The following CNTN4 variants were observed in gnomAD, a reference collection of about 807,000 sequenced individuals.
CNTN4 encodes contactin-4.
A neutral mutation model predicts 122.5 loss-of-function variants in CNTN4; 77 were observed. That is an observed-to-expected ratio of 0.63 (90% confidence interval 0.52 to 0.76). The LOEUF is 0.76. Ranked by LOEUF, CNTN4 falls within the 30% of genes least tolerant of loss-of-function variation. The pLI, the probability that CNTN4 is intolerant of heterozygous loss-of-function variation, is 0.00. For synonymous variants in CNTN4, 512 were observed against 447.0 expected (o/e 1.15, Z -1.83); for missense variants, 1,256 against 1,259.1 (o/e 1.00, Z 0.04).
At chr3:2,518,290 A>T (rs915481542) in intron 3 of CNTN4, among the ~76,000 whole-genome samples, 1 of 152,010 alleles carries the variant, frequency 6.6e-6, no homozygotes, top group Non-Finnish European at 1.5e-5. Flanking sequence ...TTTAATGTTC[A>T]TCAAGGGCTG....
intron 3 of CNTN4, chr3:2,571,214 A>G (rs2079406396): frequency 2.1e-6 from 1 of 477,008 alleles, no homozygotes; most frequent in Non-Finnish European, 3.8e-6. Flanking sequence ...CTTCAGCTCC[A>G]ATCCCTGCCC....
At chr3:2,419,536 G>A (rs2047540208) in intron 3 of CNTN4, among the ~76,000 whole-genome samples, 1 of 152,098 alleles carries the variant, frequency 6.6e-6, no homozygotes, top group African/African-American at 2.4e-5. Flanking sequence ...ATGTAATATG[G>A]ATAACATAAG....
At chr3:2,191,310 A>T (rs1014171824) in intron 2 of CNTN4, among the ~76,000 whole-genome samples, 1 of 151,398 alleles carries the variant, frequency 6.6e-6, no homozygotes, top group Non-Finnish European at 1.5e-5. Flanking sequence ...GATTATTCTC[A>T]AGTTTACCCA....
intron 4 of CNTN4, among the ~76,000 whole-genome samples, chr3:2,733,439 T>C (rs577494277): frequency 1.7e-4 from 26 of 152,280 alleles, no homozygotes; most frequent in African/African-American, 5.5e-4. Flanking sequence ...AATATCTGTG[T>C]AATTGTTAAA....
At chr3:2,621,208 A>G (rs1559313834) in intron 4 of CNTN4, among the ~76,000 whole-genome samples, 2 of 152,178 alleles carry the variant, frequency 1.3e-5, no homozygotes, top group Non-Finnish European at 2.9e-5. Context: ...GCTGATGTAT[A>G]TGAAAGTATA....
chr3:2,735,727 G>A (rs969198693), intron 4 of CNTN4: 3 of 318,594 alleles, frequency 9.4e-6, no homozygotes, highest in Non-Finnish European at 1.8e-5. Flanking sequence ...AGGAAGTGTT[G>A]TGTATATTAG....
At chr3:2,484,333 A>G (rs1256821823) in intron 3 of CNTN4, among the ~76,000 whole-genome samples, 1 of 152,184 alleles carries the variant, frequency 6.6e-6, no homozygotes, top group African/African-American at 2.4e-5. Context: ...GTCCAATTCT[A>G]TTGCTAGACA....
intron 6 of CNTN4, among the ~76,000 whole-genome samples, chr3:2,782,636 G>A (rs942244201): frequency 3.3e-5 from 5 of 152,074 alleles, no homozygotes; most frequent in African/African-American, 7.2e-5. Context: ...ACCACCGGGC[G>A]AACAGGAGAC....
In CNTN4 at chr3:2,319,511, C is replaced by T. The variant is rs556034952; in HGVS notation, c.-144-19667C>T. Among the ~76,000 whole-genome samples the T allele has an allele frequency of 3.9e-5, 6 of 152,292 alleles. No individual in the cohort carries two copies. In the South Asian group the frequency reaches 1.0e-3, roughly 26 times the overall value. On this transcript the variant is annotated intron_variant, in intron 2 of 24. Coordinates refer to ENST00000418658, the MANE Select transcript of CNTN4 (RefSeq NM_175607.3). ...CCAGAGACAGCAGAACTAATCCCTC[C>T]TCTTCCTCATCCTCTTCAGCCTACT...
chr3:2,701,608 A>T (rs1354435074), intron 4 of CNTN4, among the ~76,000 whole-genome samples: 1 of 152,100 alleles, frequency 6.6e-6, no homozygotes, highest in Admixed American at 6.6e-5. Context: ...CATGCGTAGC[A>T]TTTTCACAAA....
At chr3:2,815,285 C>A (rs922868249) in intron 6 of CNTN4, among the ~76,000 whole-genome samples, 2 of 152,160 alleles carry the variant, frequency 1.3e-5, no homozygotes, top group Non-Finnish European at 2.9e-5. Flanking sequence ...AAGGAACAGT[C>A]AGCAGAGTGA....
chr3:2,782,714 C>T (rs1171039557), intron 6 of CNTN4, among the ~76,000 whole-genome samples: 1 of 152,076 alleles, frequency 6.6e-6, no homozygotes, highest in South Asian at 2.1e-4. Context: ...CTTTTCAGTG[C>T]CCATTCCCTG....
intron 2 of CNTN4, among the ~76,000 whole-genome samples, chr3:2,204,525 TC>T (rs1174987622): frequency 1.3e-5 from 2 of 152,228 alleles, no homozygotes; most frequent in Non-Finnish European, 2.9e-5. Context: ...AAGTAAAACT[TC>T]TGAATGGCTT....
chr3:2,595,579 C>A (rs537662088), intron 4 of CNTN4, among the ~76,000 whole-genome samples: 1 of 152,102 alleles, frequency 6.6e-6, no homozygotes, highest in South Asian at 2.1e-4. Flanking sequence ...GATAAGTGGA[C>A]CCCTTGGCTC....
intron 6 of CNTN4, among the ~76,000 whole-genome samples, chr3:2,811,537 T>C (rs2092610365): frequency 6.6e-6 from 1 of 151,606 alleles, no homozygotes; most frequent in African/African-American, 2.4e-5. Context: ...CTCAGCTCAC[T>C]GCAAGCTCCA....
At chr3:2,446,088 G>T (rs1202317966) in intron 3 of CNTN4, among the ~76,000 whole-genome samples, 1 of 152,140 alleles carries the variant, frequency 6.6e-6, no homozygotes, top group Non-Finnish European at 1.5e-5. Flanking sequence ...ATTTTGGTAG[G>T]ATTCTTAAGT....
chr3:2,544,948 A>G (rs984289644), intron 3 of CNTN4, among the ~76,000 whole-genome samples: 1 of 151,022 alleles, frequency 6.6e-6, no homozygotes, highest in Non-Finnish European at 1.5e-5. Flanking sequence ...CTCTATTTCC[A>G]GTGGTTGTGA....
intron 2 of CNTN4, among the ~76,000 whole-genome samples, chr3:2,331,645 GT>G (rs1366718217): frequency 3.3e-5 from 5 of 152,162 alleles, no homozygotes; most frequent in Non-Finnish European, 5.9e-5. Context: ...ACCTGAATGT[GT>G]GTTCCAAGCT....
chr3:2,422,877 A>G (rs1451361989), intron 3 of CNTN4, among the ~76,000 whole-genome samples: 2 of 152,182 alleles, frequency 1.3e-5, no homozygotes, highest in African/African-American at 4.8e-5. Context: ...GAAATTAATT[A>G]GTGGTGTGTT....
Sources: allele counts gnomAD v4.1 joint callset (sites outside exome capture counted in the v4.1 genomes callset), GRCh38; gene constraint gnomAD v4.1.1; transcripts MANE v1.5; gene names NCBI Gene and HGNC (gene_info 2026-07-23, HGNC 2026-07-21).